PTGER3: variants seen among roughly 807,000 people sequenced by gnomAD.
PTGER3 encodes the protein prostaglandin E receptor 3.
In PTGER3, 22 loss-of-function variants were observed where a neutral mutation model predicts 34.7. The ratio of observed to expected loss-of-function variants is 0.63; its 90% confidence interval spans 0.45 to 0.91. PTGER3 has a LOEUF of 0.91. Ranked by LOEUF, PTGER3 falls within the 40% of genes least tolerant of loss-of-function variation. The pLI is 0.00. For synonymous variants in PTGER3, 241 were observed against 230.1 expected, an observed-to-expected ratio of 1.05 and a Z score of -0.43; for missense variants, 468 against 519.4, an observed-to-expected ratio of 0.90 and a Z score of 0.96.
At chr1:70,953,055 A>T in exon 4 of PTGER3, 1 of 1,595,120 alleles carries the variant, frequency 6.3e-7, no homozygotes, top group Non-Finnish European at 8.5e-7. Context: ...CAAACTGCAG[A>T]TTAACTAACC....
intron 4 of PTGER3, among the ~76,000 whole-genome samples, chr1:70,907,037 A>T (rs1353592926): frequency 6.6e-6 from 1 of 152,214 alleles, no homozygotes; most frequent in East Asian, 1.9e-4. Flanking sequence ...TTCCTGTCTT[A>T]GCAAGTTGTA....
intron 1 of PTGER3, among the ~76,000 whole-genome samples, chr1:71,024,431 C>G (rs1658699148): frequency 6.6e-6 from 1 of 152,042 alleles, no homozygotes. Flanking sequence ...TGGTCTCTCT[C>G]AATAATCGAA....
At chr1:70,922,683 A>G (rs1220034013) in intron 4 of PTGER3, among the ~76,000 whole-genome samples, 2 of 152,250 alleles carry the variant, frequency 1.3e-5, no homozygotes, top group African/African-American at 4.8e-5. Context: ...GACTACTAAA[A>G]AAAAACCAGT....
intron 4 of PTGER3, among the ~76,000 whole-genome samples, chr1:70,858,544 C>A (rs535802878): frequency 6.6e-6 from 1 of 152,236 alleles, no homozygotes; most frequent in East Asian, 1.9e-4. Flanking sequence ...AATTAGGAAA[C>A]TGATATTTAC....
At chr1:70,981,853 G>T (rs1654403822) in intron 2 of PTGER3, among the ~76,000 whole-genome samples, 1 of 152,066 alleles carries the variant, frequency 6.6e-6, no homozygotes, top group African/African-American at 2.4e-5. Flanking sequence ...ACTTGCTTTA[G>T]TGATCCCTGG....
In PTGER3 at chr1:70,953,854, C is replaced by A. The variant is rs1234407004; in HGVS notation, c.1078-65G>T. Reference sequence around the variant, plus strand: ...AATATGCAAAGTTCCTAGAAGGATGCTAAACCACAGATGATGTTCAATGAA... The same window carrying A: ...AATATGCAAAGTTCCTAGAAGGATGATAAACCACAGATGATGTTCAATGAA... On this transcript the variant is annotated intron_variant, in intron 2 of 3. Transcript: ENST00000356595. 4 of 710,782 alleles carry A rather than the reference C, an allele frequency of 5.6e-6. No homozygotes were observed. The Admixed American group carries it at 1.4e-4, about 26-fold the overall frequency. The allele number at this position is 710,782 out of a possible 1,614,324, so 44.0% of individuals were successfully genotyped here. A position where few individuals can be genotyped will look rare whatever the true frequency, so the allele number is the denominator to read the frequency against.
At chr1:70,927,265 C>T (rs534984994) in intron 4 of PTGER3, among the ~76,000 whole-genome samples, 12 of 152,170 alleles carry the variant, frequency 7.9e-5, no homozygotes, top group Admixed American at 3.3e-4. Flanking sequence ...GGTACCAGTT[C>T]TTCCTTGTAC....
At chr1:71,005,831 C>T (rs755746234) in intron 2 of PTGER3, 10 of 953,560 alleles carry the variant, frequency 1.0e-5, no homozygotes, top group African/African-American at 1.8e-5. Flanking sequence ...GTGGAAATTT[C>T]GGGTGAGCCA....
At chr1:70,996,981 A>G (rs921018612) in intron 2 of PTGER3, among the ~76,000 whole-genome samples, 7 of 152,124 alleles carry the variant, frequency 4.6e-5, no homozygotes, top group Non-Finnish European at 8.8e-5. Flanking sequence ...GTTTTGAAGT[A>G]TATTTCTTGG....
chr1:70,937,002 T>G (rs990216621), intron 4 of PTGER3, among the ~76,000 whole-genome samples: 3 of 152,108 alleles, frequency 2.0e-5, no homozygotes, highest in Non-Finnish European at 4.4e-5. Flanking sequence ...AAACACAGCA[T>G]CTAAAAGGGG....
chr1:70,953,001 A>C (rs1650917812), exon 4 of PTGER3: 2 of 1,612,372 alleles, frequency 1.2e-6, no homozygotes, highest in Non-Finnish European at 1.7e-6. Flanking sequence ...ATAGGTTTGT[A>C]CTTGCCCACA....
At chr1:71,011,360 G>T in intron 2 of PTGER3, 9 of 985,184 alleles carry the variant, frequency 9.1e-6, no homozygotes, top group Non-Finnish European at 1.1e-5. Flanking sequence ...GGAATTTAAA[G>T]AGTCAAAGAC....
intron 2 of PTGER3, among the ~76,000 whole-genome samples, chr1:70,991,903 T>G (rs1279770891): frequency 6.6e-6 from 1 of 152,206 alleles, no homozygotes; most frequent in Non-Finnish European, 1.5e-5. Context: ...TCTTAGATTA[T>G]AGGTCTTATG....
chr1:70,889,994 C>A, intron 4 of PTGER3, among the ~76,000 whole-genome samples: 1 of 152,214 alleles, frequency 6.6e-6, no homozygotes, highest in Non-Finnish European at 1.5e-5. Flanking sequence ...AACTGAAGTA[C>A]ATTAAACATG....
intron 1 of PTGER3, among the ~76,000 whole-genome samples, chr1:71,042,067 T>A (rs1660364947): frequency 6.6e-6 from 1 of 152,030 alleles, no homozygotes; most frequent in Admixed American, 6.6e-5. Flanking sequence ...GAAGGGCCAG[T>A]GACTCACAAT....
At chr1:71,002,542 T>C (rs1201744711) in intron 2 of PTGER3, among the ~76,000 whole-genome samples, 1 of 152,158 alleles carries the variant, frequency 6.6e-6, no homozygotes, top group Non-Finnish European at 1.5e-5. Context: ...CCAAAATAAA[T>C]GAATTAGTTC....
intron 4 of PTGER3, among the ~76,000 whole-genome samples, chr1:70,887,061 G>A (rs1485333838): frequency 6.6e-6 from 1 of 152,198 alleles, no homozygotes; most frequent in Non-Finnish European, 1.5e-5. Context: ...AGTCTTGGAA[G>A]AGAAGTCTAT....
intron 4 of PTGER3, among the ~76,000 whole-genome samples, chr1:70,877,664 A>G (rs1474410773): frequency 6.6e-6 from 1 of 152,066 alleles, no homozygotes; most frequent in Non-Finnish European, 1.5e-5. Context: ...GCATGAAGGG[A>G]TGCTGACTTT....
At chr1:70,876,073 C>G (rs940239655) in intron 4 of PTGER3, among the ~76,000 whole-genome samples, 1 of 152,118 alleles carries the variant, frequency 6.6e-6, no homozygotes, top group African/African-American at 2.4e-5. Flanking sequence ...ATAAACGTTT[C>G]CTTTTCTCCA....
Sources: allele counts gnomAD v4.1 joint callset (sites outside exome capture counted in the v4.1 genomes callset), GRCh38; gene constraint gnomAD v4.1.1; transcripts MANE v1.5; gene names NCBI Gene and HGNC (gene_info 2026-07-23, HGNC 2026-07-21).